Variants in ARHGAP32 observed in about 807,000 individuals in gnomAD.
The protein encoded by ARHGAP32 is rho GTPase-activating protein 32.
In ARHGAP32, 51 loss-of-function variants were observed where a neutral mutation model predicts 186.5. That is an observed-to-expected ratio of 0.27 (90% CI 0.22 to 0.35). The LOEUF (loss-of-function observed/expected upper bound fraction) is 0.35, where lower values mean the gene tolerates loss of function less well. ARHGAP32 is among the 10% of genes least tolerant of loss of function. The pLI, the probability that ARHGAP32 is intolerant of heterozygous loss-of-function variation, is 1.00. For missense variants in ARHGAP32, 2,186 were observed against 2,623.5 expected (o/e 0.83, Z 3.64); for synonymous variants, 950 against 964.3 (o/e 0.99, Z 0.27).
chr11:129,115,795 T>A (rs1431251743), intron 5 of ARHGAP32, among the ~76,000 whole-genome samples: 3 of 152,176 alleles, frequency 2.0e-5, no homozygotes, highest in East Asian at 3.9e-4. Context: ...ATGTTTACAT[T>A]CCAGAGTGTT....
In ARHGAP32 at chr11:129,123,607, G is replaced by T; in HGVS notation, c.360-77C>A. The T allele has an allele frequency of 1.5e-6, 2 of 1,337,354 alleles. No homozygotes were observed. The highest frequency in any genetic ancestry group is 2.1e-6 in the Non-Finnish European group (2 of 948,400). 82.8% of individuals were successfully genotyped at this position (1,337,354 alleles called of 1,614,324 possible). A position where few individuals can be genotyped will look rare whatever the true frequency, so the allele number is the denominator to read the frequency against. ...CTAAGTTTAAGGGAAAAATACAGTG[G>T]ATTTAAGAGCTCATGCAAGCAAAAA... On this transcript the variant is annotated intron_variant, in intron 4 of 22. Transcript: ENST00000682385. The surrounding 1 kb of genome is among the most constrained non-coding windows in gnomAD (Gnocchi z 4.6).
intron 1 of ARHGAP32, among the ~76,000 whole-genome samples, chr11:129,250,002 CAGG>C (rs1945157945): frequency 6.7e-6 from 1 of 150,252 alleles, no homozygotes; most frequent in Non-Finnish European, 1.5e-5. Flanking sequence ...CACTTGAGCC[CAGG>C]AGTTCTAGGA....
In ARHGAP32 at chr11:129,279,135, GCCCGCCTTACCGAGCCCCGCGGC is replaced by G. The variant is rs1945575908; in HGVS notation, c.-17_-5+10del. ...ACCGGCGCCCCCGGCCCTCCCGCGCGCCCGCCTTACCGAGCCCCGCGGCCCCGCCGCGCCGCCGCGGCGTCCCT... is the reference window on the plus strand; with the variant it reads ...ACCGGCGCCCCCGGCCCTCCCGCGCGCCCGCCGCGCCGCCGCGGCGTCCCT... On this transcript the variant is annotated splice_donor_variant and splice_donor_5th_base_variant and 5_prime_UTR_variant and intron_variant, in exon 1 of 7. Transcript: ENST00000525234. LOFTEE classifies it low-confidence loss of function (5UTR_SPLICE). 7.0e-6 allele frequency: 1 copy of G among 141,892 alleles called. No individual in the cohort carries two copies. The highest frequency in any genetic ancestry group is 2.6e-5 in the African/African-American group (1 of 38,812). 8.8% of individuals were successfully genotyped at this position (141,892 alleles called of 1,614,324 possible).
intron 1 of ARHGAP32, among the ~76,000 whole-genome samples, chr11:129,242,699 C>T (rs1945035230): frequency 1.3e-5 from 2 of 148,346 alleles, no homozygotes; most frequent in African/African-American, 5.0e-5. Context: ...GCCTGGGTGA[C>T]AGAGCGAGAC....
intron 5 of ARHGAP32, among the ~76,000 whole-genome samples, chr11:129,094,201 TAC>T (rs1343874703): frequency 6.6e-6 from 1 of 152,136 alleles, no homozygotes; most frequent in Admixed American, 6.6e-5. Flanking sequence ...ATAATAATTG[TAC>T]AGTTTAAAAT....
At chr11:129,099,173 G>C (rs1363003561) in intron 5 of ARHGAP32, among the ~76,000 whole-genome samples, 1 of 152,178 alleles carries the variant, frequency 6.6e-6, no homozygotes, top group South Asian at 2.1e-4. Flanking sequence ...ACAGGGATTG[G>C]CAGAATAACA....
intron 2 of ARHGAP32, among the ~76,000 whole-genome samples, chr11:129,151,891 A>C (rs1943295972): frequency 6.6e-6 from 1 of 152,184 alleles, no homozygotes; most frequent in African/African-American, 2.4e-5. Context: ...AATGAAGTGG[A>C]AACAACAACA....
At chr11:129,103,555 G>A (rs897354220) in intron 5 of ARHGAP32, among the ~76,000 whole-genome samples, 3 of 151,838 alleles carry the variant, frequency 2.0e-5, no homozygotes, top group African/African-American at 7.3e-5. Flanking sequence ...GAAACTCAGT[G>A]CACCCCAAAC....
intron 10 of ARHGAP32, among the ~76,000 whole-genome samples, chr11:129,060,714 A>G (rs1299240860): frequency 1.3e-5 from 2 of 152,204 alleles, no homozygotes; most frequent in East Asian, 3.8e-4. Context: ...TTAAATTACT[A>G]TAGATGCTTT....
Position 128,967,366 on chromosome 11 carries a change from C to T in ARHGAP32, c.*1541G>A, listed in dbSNP as rs1945244397. 1 of 152,184 alleles carries T rather than the reference C, an allele frequency of 6.6e-6. No individual in the cohort carries two copies. The highest frequency in any genetic ancestry group is 2.4e-5 in the African/African-American group (1 of 41,448). The allele number at this position is 152,184 out of a possible 1,614,324, so 9.4% of individuals were successfully genotyped here. A position where few individuals can be genotyped will look rare whatever the true frequency, so the allele number is the denominator to read the frequency against. ...ACCATCCAGTAATTGGAATGCAATT[C>T]TCCTAGTGTCTTCTACAGACCGAGC... On this transcript the variant is annotated 3_prime_UTR_variant, in exon 23 of 23. Coordinates refer to ENST00000682385, the MANE Select transcript of ARHGAP32 (RefSeq NM_001378024.1).
chr11:129,062,475 G>A (rs1260148753), intron 9 of ARHGAP32, 118 bp from the exon 10 acceptor site: 9 of 659,552 alleles, frequency 1.4e-5, no homozygotes, highest in Admixed American at 3.4e-5. Context: ...GCTCTGGCCA[G>A]TAATTTCCAA....
chr11:129,196,531 T>C (rs1944393956), upstream of ARHGAP32, among the ~76,000 whole-genome samples: 1 of 152,232 alleles, frequency 6.6e-6, no homozygotes, highest in Non-Finnish European at 1.5e-5. Context: ...TATCTACAGA[T>C]GTTGGTATCC....
At chr11:129,151,579 T>C (rs756130762) in intron 2 of ARHGAP32, among the ~76,000 whole-genome samples, 9 of 151,998 alleles carry the variant, frequency 5.9e-5, no homozygotes, top group Non-Finnish European at 1.0e-4. Context: ...CCCAAAACTG[T>C]AAAAACACAC....
chr11:129,160,278 AG>A (rs1211203601), intron 2 of ARHGAP32, among the ~76,000 whole-genome samples: 2 of 152,200 alleles, frequency 1.3e-5, no homozygotes, highest in African/African-American at 4.8e-5. Flanking sequence ...AAAGAAATAA[AG>A]GGTATTCAAA....
At chr11:129,126,000 T>C (rs1184887418) in intron 2 of ARHGAP32, 6 of 437,192 alleles carry the variant, frequency 1.4e-5, no homozygotes, top group Admixed American at 1.3e-4. Flanking sequence ...TGAGGTAACA[T>C]CTTGTCTTAT....
At chr11:128,983,266 TG>T (rs567558951) in intron 15 of ARHGAP32, among the ~76,000 whole-genome samples, 29 of 152,342 alleles carry the variant, frequency 1.9e-4, no homozygotes, top group South Asian at 1.5e-3. Context: ...GCATTGTAGT[TG>T]CTTTACAGTT....
chr11:129,237,277 G>A (rs906061154), intron 1 of ARHGAP32, among the ~76,000 whole-genome samples: 2 of 152,070 alleles, frequency 1.3e-5, no homozygotes, highest in African/African-American at 4.8e-5. Context: ...ATGTTGATGT[G>A]AATAGTAAAT....
intron 1 of ARHGAP32, among the ~76,000 whole-genome samples, chr11:129,266,798 A>T (rs1348062507): frequency 2.6e-5 from 4 of 152,124 alleles, no homozygotes; most frequent in Admixed American, 2.0e-4. Flanking sequence ...CTAAGGGCCT[A>T]AAGGATGTGC....
rs371891179 is a variant in ARHGAP32 at position 128,981,929 on chromosome 11, C to G, written c.1534G>C (p.Glu512Gln). The G allele has an allele frequency of 1.9e-6, 3 of 1,599,768 alleles. No individual in the cohort carries two copies. In the African/African-American group the frequency reaches 4.0e-5, roughly 21 times the overall value. The change falls in exon 16 of 23, where the codon GAG becomes CAG. Residue 512 changes from glutamate to glutamine, a missense_variant. Physicochemically the swap from Glu to Gln is conservative, Grantham distance 29. Around this residue, in one of 5 missense-constraint regions of ARHGAP32, gnomAD observed 308 missense variants for 596.5 expected, o/e 0.52. Coordinates refer to ENST00000682385, the MANE Select transcript of ARHGAP32 (RefSeq NM_001378024.1). ...AGAGACAAGTGTCTCATCAGGAACT[C>G]CAGTGTTCTGGAAATAAAATACAAC... The part of the protein sequence containing the change: ...QLPPPHYRTL[E>Q]FLMRHLSLLA...
Sources: allele counts gnomAD v4.1 joint callset (sites outside exome capture counted in the v4.1 genomes callset), GRCh38; gene constraint gnomAD v4.1.1; regional missense constraint gnomAD v4.1.1; non-coding constraint Gnocchi (gnomAD v3.1); transcripts MANE v1.5; gene names NCBI Gene and HGNC (gene_info 2026-07-23, HGNC 2026-07-21).